Variants in UPK1B observed in about 807,000 individuals in gnomAD.
UPK1B encodes uroplakin 1B.
A neutral mutation model predicts 34.2 loss-of-function variants in UPK1B; 28 were observed. The observed-to-expected ratio is 0.82, with a 90% CI of 0.61 to 1.12. The LOEUF (loss-of-function observed/expected upper bound fraction) is 1.12, where lower values mean the gene tolerates loss of function less well. Ranked by LOEUF, UPK1B falls within the 50% of genes most tolerant of loss-of-function variation. The probability of loss-of-function intolerance (pLI) is 0.00; values close to 1 mark genes in which losing one functional copy is unlikely to be tolerated. For missense variants in UPK1B, 325 were observed against 320.9 expected (o/e 1.01, Z -0.10); for synonymous variants, 81 against 110.4 (o/e 0.73, Z 1.67).
chr3:119,174,955 C>T (rs1442072447), intron 1 of UPK1B, among the ~76,000 whole-genome samples: 4 of 136,904 alleles, frequency 2.9e-5, no homozygotes, highest in African/African-American at 1.1e-4. Context: ...GGACCTTAGA[C>T]ATCATTTAAT....
Position 119,187,837 on chromosome 3 carries a change from C to A in UPK1B, c.132C>A (p.Tyr44Ter), listed in dbSNP as rs1033196044. ...TTGTATCTGACCAACACAGCCTCTACCCACTGCTTGAAGCCACCGACAACG... is the reference window on the plus strand; with the variant it reads ...TTGTATCTGACCAACACAGCCTCTAACCACTGCTTGAAGCCACCGACAACG... ...IFFVSDQHSL[Y>*]PLLEATDNDD... Residue 44 changes from tyrosine to a stop codon, truncating the protein, a stop_gained, in exon 3 of 8, where the codon TAC (tyrosine) becomes TAA (stop). Transcript: ENST00000264234. LOFTEE classifies it high-confidence loss of function. 6.2e-7 allele frequency: 1 copy of A among 1,614,014 alleles called. No individual in the cohort carries two copies. Among genetic ancestry groups the A allele is most frequent in the African/African-American group, 1.3e-5 (1 of 74,978 alleles).
At chr3:119,175,645 T>C (rs2077953596) in intron 1 of UPK1B, among the ~76,000 whole-genome samples, 2 of 151,724 alleles carry the variant, frequency 1.3e-5, no homozygotes. Flanking sequence ...CCTGAGCCAT[T>C]GCTTACAGCT....
chr3:119,194,483 T>C, intron 6 of UPK1B, 85 bp downstream of exon 6: 3 of 1,278,254 alleles, frequency 2.3e-6, no homozygotes, highest in Non-Finnish European at 3.2e-6. Flanking sequence ...GGAAATAGTC[T>C]TTCAGTAAGG....
At chr3:119,187,072 C>T (rs978393906) in intron 2 of UPK1B, among the ~76,000 whole-genome samples, 2 of 152,210 alleles carry the variant, frequency 1.3e-5, no homozygotes, top group Non-Finnish European at 2.9e-5. Flanking sequence ...TAGTCAGTGT[C>T]TAAACACTCT....
intron 1 of UPK1B, among the ~76,000 whole-genome samples, chr3:119,179,452 A>C (rs1247502022): frequency 2.2e-5 from 3 of 134,578 alleles, no homozygotes; most frequent in Non-Finnish European, 4.8e-5. Flanking sequence ...ACAAGTCCGA[A>C]ATCTATACAG....
intron 6 of UPK1B, among the ~76,000 whole-genome samples, chr3:119,196,885 C>T (rs2078070279): frequency 6.6e-6 from 1 of 151,958 alleles, no homozygotes; most frequent in South Asian, 2.1e-4. Context: ...ACTCTGTCAC[C>T]CAAGCTGGAG....
intron 1 of UPK1B, among the ~76,000 whole-genome samples, chr3:119,182,580 T>C (rs530343138): frequency 6.6e-6 from 1 of 152,336 alleles, no homozygotes; most frequent in Admixed American, 6.5e-5. Flanking sequence ...TTGTCCAACT[T>C]TACACAGTAA....
chr3:119,202,284 T>A (rs1417206379), intron 7 of UPK1B, among the ~76,000 whole-genome samples: 2 of 152,194 alleles, frequency 1.3e-5, no homozygotes, highest in Non-Finnish European at 2.9e-5. Flanking sequence ...TGCAAGGGGC[T>A]TTTTCTTAGT....
intron 4 of UPK1B, 130 bp from the exon 5 acceptor site, chr3:119,190,852 G>T: frequency 3.1e-6 from 4 of 1,293,830 alleles, no homozygotes; most frequent in Non-Finnish European, 4.3e-6. Flanking sequence ...TGTACTTGGT[G>T]CCTCTGAGTA....
chr3:119,195,140 C>T (rs2078060930), intron 6 of UPK1B, among the ~76,000 whole-genome samples: 1 of 152,162 alleles, frequency 6.6e-6, no homozygotes, highest in Non-Finnish European at 1.5e-5. Context: ...AAATGTCCGT[C>T]TTTTCAAAAA....
chr3:119,184,258 C>T (rs1240097089), intron 1 of UPK1B, among the ~76,000 whole-genome samples: 1 of 152,152 alleles, frequency 6.6e-6, no homozygotes, highest in Non-Finnish European at 1.5e-5. Flanking sequence ...CTGTACGTCA[C>T]GGGGCATAAT....
chr3:119,203,944 T>C lies in UPK1B; in HGVS notation c.760T>C (p.Tyr254His). 2 of 1,614,126 alleles carry C rather than the reference T, an allele frequency of 1.2e-6. No homozygotes were observed. The highest frequency in any genetic ancestry group is 1.7e-6 in the Non-Finnish European group (2 of 1,180,028). Residue 254 changes from tyrosine to histidine, a missense_variant, in exon 8 of 8, where the codon TAC (tyrosine) becomes CAC (histidine). Transcript: ENST00000264234. ...TFWVLLGTMF[Y>H]WSRIEY is the part of the protein sequence containing the mutation. ...TTGGGTTCTCCTGGGTACCATGTTC[T>C]ACTGGAGCAGAATTGAATATTAAGC...
intron 2 of UPK1B, 56 bp downstream of exon 2, chr3:119,186,866 A>G (rs1310779441): frequency 1.9e-6 from 3 of 1,566,386 alleles, no homozygotes; most frequent in Non-Finnish European, 2.6e-6. Flanking sequence ...ATAATTCTAG[A>G]TGAATCAAAA....
chr3:119,190,814 A>G (rs758698346), intron 4 of UPK1B, among the ~76,000 whole-genome samples, 168 bp from the exon 5 acceptor site: 5 of 152,326 alleles, frequency 3.3e-5, no homozygotes, highest in East Asian at 1.9e-4. Context: ...TCTTCTCTGC[A>G]TGGGGACTTA....
Position 119,194,233 on chromosome 3 carries a change from C to A in UPK1B, c.483C>A (p.Gly161=), listed in dbSNP as rs142269661. 1.9e-6 allele frequency: 3 copies of A among 1,613,664 alleles called. No homozygotes were observed. In the African/African-American group the frequency reaches 4.0e-5, roughly 22 times the overall value. ...TCTGCTGACAGGACAATTGCTGTGG[C>A]GTAAATGGTCCATCAGACTGGCAAA... ...DRLMLQDNCC[G]VNGPSDWQKY... is the part of the protein sequence containing the mutation. The change falls in exon 6 of 8, where the codon GGC becomes GGA. Residue 161 remains glycine (G), a synonymous_variant. Coordinates refer to ENST00000264234, the MANE Select transcript of UPK1B (RefSeq NM_006952.4).
chr3:119,194,535 C>A (rs1484805028), intron 6 of UPK1B, 137 bp downstream of exon 6: 4 of 853,414 alleles, frequency 4.7e-6, no homozygotes, highest in Non-Finnish European at 6.8e-6. Context: ...TAACTATTTC[C>A]TTCTCTGTTA....
At chr3:119,194,091 G>A in intron 5 of UPK1B, 128 bp from the exon 6 acceptor site, 1 of 905,360 alleles carries the variant, frequency 1.1e-6, no homozygotes, top group African/African-American at 1.7e-5. Context: ...GTCATTTGGG[G>A]ATTTCTTAGT....
chr3:119,183,209 T>G (rs1001849972), intron 1 of UPK1B, among the ~76,000 whole-genome samples: 3 of 152,080 alleles, frequency 2.0e-5, no homozygotes, highest in Non-Finnish European at 4.4e-5. Flanking sequence ...AGTCTCAGCT[T>G]CTGCACTTTC....
chr3:119,177,322 G>T (rs1044439611), intron 1 of UPK1B, among the ~76,000 whole-genome samples: 4 of 152,176 alleles, frequency 2.6e-5, no homozygotes, highest in Non-Finnish European at 5.9e-5. Context: ...TTAAAAAGAC[G>T]TAAAGGGAAG....
Sources: gnomAD v4.1 joint callset for allele counts (sites outside exome capture counted in the v4.1 genomes callset) on GRCh38, gnomAD v4.1.1 for gene constraint, MANE v1.5 for transcripts, NCBI Gene and HGNC (gene_info 2026-07-23, HGNC 2026-07-21) for gene names.